Variants in PLXNA4 observed in about 807,000 individuals in gnomAD.
PLXNA4 encodes plexin A4, also known as plexin-A4.
In PLXNA4, 44 loss-of-function variants were observed where a neutral mutation model predicts 191.8. That is an observed-to-expected ratio of 0.23 (90% CI 0.18 to 0.29). The LOEUF (loss-of-function observed/expected upper bound fraction) is 0.29, where lower values mean the gene tolerates loss of function less well. Ranked by LOEUF, PLXNA4 falls within the 10% of genes least tolerant of loss-of-function variation. The probability of loss-of-function intolerance (pLI) is 1.00; values close to 1 mark genes in which losing one functional copy is unlikely to be tolerated. For synonymous variants in PLXNA4, 1,082 were observed against 1,009.5 expected, an observed-to-expected ratio of 1.07 and a Z score of -1.36; for missense variants, 1,800 against 2,488.8, an observed-to-expected ratio of 0.72 and a Z score of 5.89.
At chr7:132,582,453 T>C (rs1802420482) in intron 2 of PLXNA4, among the ~76,000 whole-genome samples, 1 of 152,228 alleles carries the variant, frequency 6.6e-6, no homozygotes, top group South Asian at 2.1e-4. Context: ...TCTGCTCCCA[T>C]GCTGAATCAG....
At chr7:132,498,537 C>A (rs1053866790) in intron 2 of PLXNA4, among the ~76,000 whole-genome samples, 1 of 152,174 alleles carries the variant, frequency 6.6e-6, no homozygotes, top group Non-Finnish European at 1.5e-5. Flanking sequence ...TCAATTACCT[C>A]CCACCAGGTC....
chr7:132,626,850 C>G (rs987953917), intron 2 of PLXNA4, among the ~76,000 whole-genome samples: 2 of 152,216 alleles, frequency 1.3e-5, no homozygotes, highest in African/African-American at 4.8e-5. Context: ...AGCTCTGGAG[C>G]ACCCTATGGG....
chr7:132,484,753 AG>A, intron 3 of PLXNA4: 1 of 1,600,098 alleles, frequency 6.2e-7, no homozygotes, highest in Non-Finnish European at 8.5e-7. Flanking sequence ...ATCCATCTGC[AG>A]GGCTTTCTGT....
At chr7:132,210,695 C>G (rs142764345) in intron 10 of PLXNA4, among the ~76,000 whole-genome samples, 3 of 152,194 alleles carry the variant, frequency 2.0e-5, no homozygotes, top group African/African-American at 7.2e-5. Context: ...CTGTCTTACA[C>G]GGACAACCTT....
chr7:132,546,272 C>CA (rs1229803197), intron 1 of PLXNA4, among the ~76,000 whole-genome samples: 5 of 152,160 alleles, frequency 3.3e-5, no homozygotes, highest in Admixed American at 6.5e-5. Context: ...TCCAGGACCA[C>CA]AAAAAATGCA....
At chr7:132,390,472 C>T (rs1048807693) in intron 3 of PLXNA4, among the ~76,000 whole-genome samples, 6 of 151,944 alleles carry the variant, frequency 3.9e-5, no homozygotes, top group South Asian at 2.1e-4. Flanking sequence ...TGTAGATGAC[C>T]GGTTGATGAG....
intron 2 of PLXNA4, among the ~76,000 whole-genome samples, chr7:132,645,632 C>T (rs768740560): frequency 4.2e-4 from 64 of 152,186 alleles, no homozygotes; most frequent in Non-Finnish European, 7.8e-4. Context: ...CTGGTAGGGG[C>T]TCATCTTATG....
chr7:132,290,529 G>A (rs1299694255), intron 4 of PLXNA4, among the ~76,000 whole-genome samples: 3 of 152,262 alleles, frequency 2.0e-5, no homozygotes, highest in East Asian at 1.9e-4. Flanking sequence ...GTTTCAGTGT[G>A]TATAGACATT....
intron 3 of PLXNA4, among the ~76,000 whole-genome samples, chr7:132,375,187 T>G (rs1228194649): frequency 6.6e-6 from 1 of 152,220 alleles, no homozygotes; most frequent in Non-Finnish European, 1.5e-5. Flanking sequence ...GAAAGAAACC[T>G]GGTGGGGCAG....
At position 132,226,236 on chromosome 7, in the gene PLXNA4, T is replaced by A. The variant is rs371316009; in HGVS notation, c.1907A>T (p.Gln636Leu). Residue 636 changes from glutamine to leucine, a missense_variant, in exon 8 of 32, where the codon CAG becomes CTG. By Grantham distance (113) the Gln-to-Leu change is moderately radical. Around this residue, in one of 6 missense-constraint regions of PLXNA4, gnomAD observed 1,397 missense variants for 1,880.4 expected, o/e 0.74. Coordinates refer to ENST00000321063, the MANE Select transcript of PLXNA4 (RefSeq NM_020911.2). Reference sequence around the variant, plus strand: ...CATGCCGGTCTCCTTTGATTTGAGCTGAAGCTGTACGACATGGTGGTCCCC... The same window carrying A: ...CATGCCGGTCTCCTTTGATTTGAGCAGAAGCTGTACGACATGGTGGTCCCC... ...ENGDHHVVQL[Q>L]LKSKETGMTF... 38 of 1,613,702 alleles carry A rather than the reference T, an allele frequency of 2.4e-5. No homozygotes were observed. The African/African-American group carries it at 4.5e-4, about 19-fold the overall frequency.
intron 2 of PLXNA4, among the ~76,000 whole-genome samples, chr7:132,620,305 T>C (rs1375944337): frequency 2.0e-5 from 3 of 152,200 alleles, no homozygotes; most frequent in East Asian, 1.9e-4. Flanking sequence ...GTTGTTCTGT[T>C]TAGTTTTTGT....
At chr7:132,270,485 G>C (rs1415021972) in intron 4 of PLXNA4, among the ~76,000 whole-genome samples, 1 of 152,172 alleles carries the variant, frequency 6.6e-6, no homozygotes, top group Non-Finnish European at 1.5e-5. Context: ...GAAAGTAAAG[G>C]TTGTTCCTTA....
chr7:132,453,278 G>A (rs1402526752), intron 3 of PLXNA4, among the ~76,000 whole-genome samples: 2 of 152,132 alleles, frequency 1.3e-5, no homozygotes, highest in Non-Finnish European at 2.9e-5. Context: ...CAAGGCTGGA[G>A]AGAAAGGTGA....
chr7:132,414,103 A>G (rs1412045675), intron 3 of PLXNA4, among the ~76,000 whole-genome samples: 2 of 152,228 alleles, frequency 1.3e-5, no homozygotes, highest in East Asian at 3.8e-4. Flanking sequence ...ATCCATCCAA[A>G]TCAGCCTTCA....
chr7:132,589,925 C>T (rs1802574544), intron 2 of PLXNA4, among the ~76,000 whole-genome samples: 1 of 152,120 alleles, frequency 6.6e-6, no homozygotes, highest in Non-Finnish European at 1.5e-5. Context: ...GTGGCCAGTG[C>T]AAAGGCTGTG....
At chr7:132,164,734 C>G (rs566395148) in intron 23 of PLXNA4, among the ~76,000 whole-genome samples, 2 of 152,390 alleles carry the variant, frequency 1.3e-5, no homozygotes, top group African/African-American at 4.8e-5. Flanking sequence ...CTTGGCTTAT[C>G]TGCCGCAACA....
intron 3 of PLXNA4, among the ~76,000 whole-genome samples, chr7:132,380,960 G>A (rs1202365078): frequency 2.0e-5 from 3 of 152,226 alleles, no homozygotes; most frequent in Non-Finnish European, 4.4e-5. Context: ...ATAAGATCAG[G>A]TTACTAAGGA....
At position 132,205,041 on chromosome 7, in the gene PLXNA4, C is replaced by T. The variant is rs1868780; in HGVS notation, c.2299-1622G>A. Among the ~76,000 whole-genome samples, 1,441 of 152,274 alleles carry T rather than the reference C, an allele frequency of 9.5e-3. 29 individuals carry two copies. The highest frequency in any genetic ancestry group is 0.032 in the African/African-American group (1,350 of 41,564). On this transcript the variant is annotated intron_variant, in intron 10 of 31. Coordinates refer to ENST00000321063, the MANE Select transcript of PLXNA4 (RefSeq NM_020911.2). ...AACGTACCCCCGTCGTTGAATCTCT[C>T]GTTTGACCAATGGCACCCGGGCCAA... is the stretch of plus-strand genomic sequence containing the variant.
chr7:132,384,652 T>C (rs575175030), intron 3 of PLXNA4: 4 of 993,934 alleles, frequency 4.0e-6, no homozygotes, highest in Non-Finnish European at 3.6e-6. Context: ...GGGATGGTTC[T>C]GAGCACTGAG....
Sources: gnomAD v4.1 joint callset for allele counts (sites outside exome capture counted in the v4.1 genomes callset) on GRCh38, gnomAD v4.1.1 for gene constraint, gnomAD v4.1.1 regional missense constraint, MANE v1.5 for transcripts, NCBI Gene and HGNC (gene_info 2026-07-23, HGNC 2026-07-21) for gene names.